URI1: variants seen among roughly 807,000 people sequenced by gnomAD.
URI1 encodes the protein URI1 prefoldin like chaperone.
In URI1, 39 loss-of-function variants were observed where a neutral mutation model predicts 60.2. That is an observed-to-expected ratio of 0.65 (90% CI 0.50 to 0.85). The LOEUF (loss-of-function observed/expected upper bound fraction) is 0.85, where lower values mean the gene tolerates loss of function less well. Ranked by LOEUF, URI1 falls within the 40% of genes least tolerant of loss-of-function variation. URI1 has a pLI of 0.00. For synonymous variants in URI1, 251 were observed against 236.8 expected, an observed-to-expected ratio of 1.06 and a Z score of -0.55; for missense variants, 691 against 665.9, an observed-to-expected ratio of 1.04 and a Z score of -0.42.
chr19:29,956,609 T>A, intron 1 of URI1: 1 of 1,501,612 alleles, frequency 6.7e-7, no homozygotes, highest in Non-Finnish European at 9.2e-7. Flanking sequence ...CCTGGTCTCA[T>A]CTGAACCCTG....
chr19:29,991,210 TAACTATTAA>T (rs1231567239), intron 4 of URI1, among the ~76,000 whole-genome samples: 1 of 152,190 alleles, frequency 6.6e-6, no homozygotes, highest in Admixed American at 6.5e-5. Flanking sequence ...ATTGACCTCT[TAACTATTAA>T]ATCTTCCAGT....
chr19:29,986,729 AT>A (rs1044303690), intron 4 of URI1, among the ~76,000 whole-genome samples: 3 of 151,622 alleles, frequency 2.0e-5, no homozygotes, highest in East Asian at 1.9e-4. Flanking sequence ...ATACCTTATA[AT>A]TTTTTTTTAG....
chr19:30,009,619 C>T (rs890385155), intron 8 of URI1, among the ~76,000 whole-genome samples: 10 of 152,092 alleles, frequency 6.6e-5, no homozygotes, highest in Admixed American at 5.9e-4. Flanking sequence ...ACTGTAACTT[C>T]ACCTGTCCTT....
chr19:29,942,111 G>A, upstream of URI1: 2 of 593,346 alleles, frequency 3.4e-6, no homozygotes, highest in Non-Finnish European at 4.2e-6. Context: ...AGCCCAGCGC[G>A]GACACCGCCA....
At chr19:29,942,229 G>C, upstream of URI1, 1 of 984,788 alleles carries the variant, frequency 1.0e-6, no homozygotes, top group Non-Finnish European at 1.2e-6. Context: ...CGTGCCGCGA[G>C]AGGCGGGGCG....
chr19:29,956,681 C>T (rs2055252320), intron 1 of URI1: 7 of 1,546,176 alleles, frequency 4.5e-6, no homozygotes, highest in Middle Eastern at 1.9e-4. Context: ...TGGATAACGA[C>T]GTTGATGGGG....
At chr19:29,938,980 ATT>A, upstream of URI1, among the ~76,000 whole-genome samples, 1 of 142,146 alleles carries the variant, frequency 7.0e-6, no homozygotes. Flanking sequence ...CTGGCCTACC[ATT>A]TTTTTTTTTT....
intron 5 of URI1, 72 bp downstream of exon 5, chr19:30,005,524 C>A: frequency 1.3e-6 from 2 of 1,485,712 alleles, no homozygotes; most frequent in South Asian, 1.3e-5. Context: ...ATCTTACAGC[C>A]AAGGAACAAA....
intron 1 of URI1, among the ~76,000 whole-genome samples, chr19:29,961,812 A>G (rs559924758): frequency 6.6e-6 from 1 of 151,674 alleles, no homozygotes; most frequent in South Asian, 2.1e-4. Context: ...CAGCCTCCCA[A>G]GTAGCTGAGA....
rs2055462203 is a variant in URI1, at chr19:29,971,705, G to C, written c.152+478G>C. Among the ~76,000 whole-genome samples, 3 of 142,874 alleles carry C rather than the reference G, an allele frequency of 2.1e-5. No homozygotes were observed. The South Asian group carries it at 6.4e-4, about 30-fold the overall frequency. 93.7% of individuals were successfully genotyped at this position (142,874 alleles called of 152,430 possible). ...TTGACTGTACTTTTTTTTTTTTTAAGAGAGAGCATATCTATTTTAATGTGC... is the reference window on the plus strand; with the variant it reads ...TTGACTGTACTTTTTTTTTTTTTAACAGAGAGCATATCTATTTTAATGTGC... On this transcript the variant is annotated intron_variant, in intron 2 of 10. Transcript: ENST00000392271.
intron 1 of URI1, among the ~76,000 whole-genome samples, chr19:29,959,121 G>A (rs1387369304): frequency 1.3e-5 from 2 of 152,002 alleles, no homozygotes; most frequent in Non-Finnish European, 2.9e-5. Context: ...TGGTTTTTGT[G>A]TGTGTGTTTT....
intron 1 of URI1, among the ~76,000 whole-genome samples, chr19:29,965,589 A>G (rs536785344): frequency 1.1e-4 from 17 of 152,202 alleles, no homozygotes; most frequent in Non-Finnish European, 2.2e-4. Context: ...TGTTTACTAC[A>G]TGGCCCTACC....
chr19:29,971,592 TTAAAA>T (rs1446511335), intron 2 of URI1, among the ~76,000 whole-genome samples: 1 of 151,904 alleles, frequency 6.6e-6, no homozygotes, highest in African/African-American at 2.4e-5. Context: ...ATCAGTTACT[TTAAAA>T]TAATGATGGA....
chr19:29,965,869 C>T (rs527903177), intron 1 of URI1, among the ~76,000 whole-genome samples: 3 of 152,162 alleles, frequency 2.0e-5, no homozygotes, highest in Admixed American at 1.3e-4. Flanking sequence ...AGACATAGTC[C>T]GATATTTGTG....
At chr19:29,994,731 G>C (rs953034765) in intron 4 of URI1, among the ~76,000 whole-genome samples, 10 of 151,448 alleles carry the variant, frequency 6.6e-5, no homozygotes, top group Admixed American at 2.6e-4. Context: ...TAAATTATTT[G>C]GGGTGTATAT....
intron 1 of URI1, among the ~76,000 whole-genome samples, chr19:29,934,973 G>C (rs1011038710): frequency 6.6e-6 from 1 of 152,018 alleles, no homozygotes; most frequent in Non-Finnish European, 1.5e-5. Context: ...ATCAATCTCT[G>C]CCCTTTAATT....
rs772594062 is a variant in URI1 at position 29,971,210 on chromosome 19, A to G, written c.135A>G (p.Gln45=). The G allele has an allele frequency of 6.2e-7, 1 of 1,613,376 alleles. No individual in the cohort carries two copies. The highest frequency in any genetic ancestry group is 1.1e-5 in the South Asian group (1 of 91,044). The change falls in exon 2 of 11, where the codon CAA becomes CAG. Residue 45 remains glutamine, a synonymous_variant. Transcript: ENST00000392271. ...EEQEKVVTNC[Q]ERIQHWKKVD... The stretch of plus-strand genomic sequence containing the variant: ...CATGACAGGTGGTCACTAACTGCCA[A>G]GAGAGAATCCAGCATTGGTGAGTGA...
intron 1 of URI1, among the ~76,000 whole-genome samples, chr19:29,965,855 C>T (rs1169663285): frequency 6.6e-6 from 1 of 152,140 alleles, no homozygotes. Context: ...TGCCAGAGCA[C>T]GTTAGACATA....
intron 1 of URI1, among the ~76,000 whole-genome samples, chr19:29,967,578 T>C (rs4144518): frequency 0.081 from 12,342 of 152,264 alleles, 698 homozygotes; most frequent in East Asian, 0.22. Flanking sequence ...TTTACTGACA[T>C]GATTGGCAAG....
Sources: gnomAD v4.1 joint callset for allele counts (sites outside exome capture counted in the v4.1 genomes callset) on GRCh38, gnomAD v4.1.1 for gene constraint, MANE v1.5 for transcripts, NCBI Gene and HGNC (gene_info 2026-07-23, HGNC 2026-07-21) for gene names.